The following NCALD variants were observed in gnomAD, a reference collection of about 807,000 sequenced individuals.
The protein encoded by NCALD is neurocalcin-delta.
NCALD carries 10 observed loss-of-function variants against 18.6 expected under a neutral mutation model. That is an observed-to-expected ratio of 0.54 (90% CI 0.33 to 0.91). The LOEUF is 0.91. Among genes scored for constraint, NCALD ranks in the 40% least tolerant of loss-of-function variants. The probability of loss-of-function intolerance (pLI) is 0.03; values close to 1 mark genes in which losing one functional copy is unlikely to be tolerated. For synonymous variants in NCALD, 88 were observed against 87.4 expected (o/e 1.01, Z -0.04); for missense variants, 184 against 247.6 (o/e 0.74, Z 1.72).
intron 4 of NCALD, among the ~76,000 whole-genome samples, chr8:101,876,671 T>C (rs953490228): frequency 2.6e-5 from 4 of 152,364 alleles, no homozygotes; most frequent in African/African-American, 9.6e-5. Context: ...TGGCAATGGA[T>C]ACAAGTAATG....
intron 2 of NCALD, among the ~76,000 whole-genome samples, chr8:101,712,522 C>T (rs1477336603): frequency 7.5e-6 from 1 of 133,526 alleles, no homozygotes; most frequent in African/African-American, 2.8e-5. Context: ...ACTCATCTCA[C>T]ATGCAAAGAC....
intron 1 of NCALD, among the ~76,000 whole-genome samples, chr8:102,027,179 A>G (rs1822488710): frequency 6.6e-6 from 1 of 152,230 alleles, no homozygotes; most frequent in African/African-American, 2.4e-5. Context: ...GGTGATTAAC[A>G]TTCAGCTCCT....
chr8:101,848,224 A>G (rs762818258), intron 4 of NCALD, among the ~76,000 whole-genome samples: 5 of 152,076 alleles, frequency 3.3e-5, no homozygotes, highest in Non-Finnish European at 5.9e-5. Flanking sequence ...TTAGCTAACA[A>G]CCTTCCTTTT....
chr8:101,848,815 T>C (rs536575881), intron 4 of NCALD, among the ~76,000 whole-genome samples: 1 of 152,228 alleles, frequency 6.6e-6, no homozygotes, highest in East Asian at 1.9e-4. Flanking sequence ...TTAAGACAAA[T>C]GAATAGAATT....
At chr8:101,982,976 C>T (rs938919695) in intron 2 of NCALD, among the ~76,000 whole-genome samples, 3 of 152,124 alleles carry the variant, frequency 2.0e-5, no homozygotes, top group Admixed American at 6.5e-5. Flanking sequence ...GCAGCTTCAG[C>T]ACCAAAAGGC....
At chr8:101,720,280 A>G (rs1260930710) in intron 1 of NCALD, among the ~76,000 whole-genome samples, 1 of 152,238 alleles carries the variant, frequency 6.6e-6, no homozygotes, top group Non-Finnish European at 1.5e-5. Flanking sequence ...TTGGGTTTTG[A>G]TAGTAAAGAT....
chr8:101,722,389 C>G (rs1816401513), intron 1 of NCALD, among the ~76,000 whole-genome samples: 1 of 152,154 alleles, frequency 6.6e-6, no homozygotes, highest in South Asian at 2.1e-4. Flanking sequence ...TCCGGTAATA[C>G]ATAATACCCG....
rs150103684 is a variant in NCALD, at chr8:101,947,129, C to T, written c.-156-31271G>A. On this transcript the variant is annotated intron_variant, in intron 2 of 6. Transcript: ENST00000311028. ...TATCAGCACAATCCTGAAGACAAAG[C>T]ACAATCAAAGCAATGGCTACTGAGA... Among the ~76,000 whole-genome samples the T allele has an allele frequency of 5.4e-4, 82 of 152,240 alleles. No individual in the cohort carries two copies. The East Asian group carries it at 0.012, about 23-fold the overall frequency.
At chr8:101,721,005 C>T (rs996789221) in intron 1 of NCALD, among the ~76,000 whole-genome samples, 6 of 152,056 alleles carry the variant, frequency 3.9e-5, no homozygotes, top group African/African-American at 1.4e-4. Context: ...TGGAAAAATG[C>T]CCAACCCAAA....
intron 4 of NCALD, among the ~76,000 whole-genome samples, chr8:101,806,933 T>C (rs1393456033): frequency 1.3e-5 from 2 of 151,452 alleles, no homozygotes; most frequent in East Asian, 3.9e-4. Flanking sequence ...TCATTACATG[T>C]AAGGAAACCT....
chr8:101,879,758 T>C (rs1816401363), intron 4 of NCALD, among the ~76,000 whole-genome samples: 1 of 152,160 alleles, frequency 6.6e-6, no homozygotes, highest in South Asian at 2.1e-4. Context: ...ACAAAAGTTT[T>C]CCAAGTCCCC....
intron 4 of NCALD, among the ~76,000 whole-genome samples, chr8:101,824,895 T>C (rs2131211136): frequency 6.6e-6 from 1 of 152,272 alleles, no homozygotes; most frequent in East Asian, 1.9e-4. Context: ...CCACACACCA[T>C]ACTGAAGAGG....
chr8:101,912,996 C>A (rs1400272105), intron 3 of NCALD, among the ~76,000 whole-genome samples: 1 of 152,130 alleles, frequency 6.6e-6, no homozygotes, highest in Non-Finnish European at 1.5e-5. Context: ...CAGGTGACTT[C>A]CAGAAATAAA....
At chr8:101,761,900 G>A (rs1185747284) in intron 1 of NCALD, among the ~76,000 whole-genome samples, 2 of 152,260 alleles carry the variant, frequency 1.3e-5, no homozygotes, top group Non-Finnish European at 1.5e-5. Flanking sequence ...CCCGTTTCGG[G>A]GCCTCGAATG....
At chr8:101,909,809 C>T (rs1433321342) in intron 3 of NCALD, among the ~76,000 whole-genome samples, 1 of 151,304 alleles carries the variant, frequency 6.6e-6, no homozygotes, top group Non-Finnish European at 1.5e-5. Flanking sequence ...ATGTAACGCC[C>T]CTTAAGGTTA....
chr8:101,849,406 C>T (rs1425914239), intron 4 of NCALD, among the ~76,000 whole-genome samples: 1 of 152,108 alleles, frequency 6.6e-6, no homozygotes, highest in African/African-American at 2.4e-5. Context: ...TTAAAAAGCA[C>T]TAGGAATTTG....
At chr8:101,963,734 G>T (rs1819919807) in intron 2 of NCALD, among the ~76,000 whole-genome samples, 1 of 151,992 alleles carries the variant, frequency 6.6e-6, no homozygotes, top group African/African-American at 2.4e-5. Flanking sequence ...TTCCTTATTG[G>T]CACAACAAGC....
At chr8:101,773,381 C>T (rs1811663883) in intron 1 of NCALD, among the ~76,000 whole-genome samples, 2 of 152,172 alleles carry the variant, frequency 1.3e-5, no homozygotes, top group African/African-American at 2.4e-5. Context: ...AACTGCTAAA[C>T]CACTCTGTGC....
At chr8:101,980,459 G>A (rs962439402) in intron 2 of NCALD, among the ~76,000 whole-genome samples, 2 of 152,178 alleles carry the variant, frequency 1.3e-5, no homozygotes, top group African/African-American at 2.4e-5. Flanking sequence ...TCAGACCCAC[G>A]CTTCGCAAGA....
Sources: allele counts gnomAD v4.1 joint callset (sites outside exome capture counted in the v4.1 genomes callset), GRCh38; gene constraint gnomAD v4.1.1; transcripts MANE v1.5; gene names NCBI Gene and HGNC (gene_info 2026-07-23, HGNC 2026-07-21).